Variants in DNAJB4 observed in about 807,000 individuals in gnomAD.
DNAJB4 encodes the protein DnaJ heat shock protein family (Hsp40) member B4.
In DNAJB4, 10 loss-of-function variants were observed where a neutral mutation model predicts 26.6. The observed-to-expected ratio is 0.38, with a 90% confidence interval of 0.23 to 0.64. The LOEUF (loss-of-function observed/expected upper bound fraction) is 0.64, where lower values mean the gene tolerates loss of function less well. Among genes scored for constraint, DNAJB4 ranks in the 30% least tolerant of loss-of-function variants. DNAJB4 has a pLI of 0.58. For synonymous variants in DNAJB4, 136 were observed against 134.8 expected, an observed-to-expected ratio of 1.01 and a Z score of -0.06; for missense variants, 328 against 408.2, an observed-to-expected ratio of 0.80 and a Z score of 1.69.
chr1:78,009,047 A>T (rs1317684268), intron 1 of DNAJB4, among the ~76,000 whole-genome samples: 1 of 152,126 alleles, frequency 6.6e-6, no homozygotes, highest in Non-Finnish European at 1.5e-5. Context: ...TAAAACTTGT[A>T]TTTATTAATC....
intron 1 of DNAJB4, among the ~76,000 whole-genome samples, chr1:77,988,714 G>C (rs1659858836): frequency 2.0e-5 from 3 of 151,960 alleles, no homozygotes; most frequent in Non-Finnish European, 2.9e-5. Flanking sequence ...TCTAAATTTT[G>C]AATCTCCTTA....
At chr1:78,015,710 C>T (rs1455014860) in intron 2 of DNAJB4, among the ~76,000 whole-genome samples, 4 of 151,702 alleles carry the variant, frequency 2.6e-5, no homozygotes, top group Admixed American at 1.3e-4. Context: ...CCACCACGCT[C>T]GCCTAATTTT....
chr1:77,981,801 T>C (rs1659654402), intron 1 of DNAJB4, among the ~76,000 whole-genome samples: 1 of 152,192 alleles, frequency 6.6e-6, no homozygotes, highest in Non-Finnish European at 1.5e-5. Context: ...ACAAACATCT[T>C]TAGTGTATTA....
chr1:78,013,257 A>C lies in DNAJB4; in HGVS notation c.418A>C (p.Asn140His). The change falls in exon 2 of 3, where the codon AAT becomes CAT. Residue 140 changes from asparagine to histidine, a missense_variant. Physicochemically the swap from Asn to His is moderately conservative, Grantham distance 68. Coordinates refer to ENST00000370763, the MANE Select transcript of DNAJB4 (RefSeq NM_007034.5). ...TTTTAGTGCCTTTGGTTTCAGCATG[A>C]ATGGATATCCAAGAGACAGGAATTC... ...DPFSAFGFSM[N>H]GYPRDRNSVG... 3 of 1,614,216 alleles carry C rather than the reference A, an allele frequency of 1.9e-6. No homozygotes were observed. Among genetic ancestry groups the C allele is most frequent in the Non-Finnish European group, 2.5e-6 (3 of 1,180,018 alleles).
chr1:78,000,162 T>C (rs1274940150), upstream of DNAJB4, among the ~76,000 whole-genome samples: 1 of 152,146 alleles, frequency 6.6e-6, no homozygotes. Context: ...GCATGTATGC[T>C]TATAAATAAG....
upstream of DNAJB4, chr1:77,979,250 A>G (rs1659379275): frequency 2.1e-6 from 1 of 476,680 alleles, no homozygotes; most frequent in Middle Eastern, 5.6e-4. Context: ...AGACTTCGCG[A>G]GAACAGAATT....
chr1:78,012,902 C>G (rs967861337), intron 1 of DNAJB4, 149 bp from the exon 2 acceptor site: 11 of 550,904 alleles, frequency 2.0e-5, no homozygotes, highest in Non-Finnish European at 3.1e-5. Flanking sequence ...AGTTTTATAG[C>G]TGTTCTGTAT....
rs147000397 is a variant in DNAJB4, at chr1:78,011,398, A to G, written c.212-1653A>G. Among the ~76,000 whole-genome samples, 158 of 152,242 alleles carry G rather than the reference A, an allele frequency of 1.0e-3. 1 individual carries two copies. In the Middle Eastern group the frequency reaches 0.014, roughly 13 times the overall value. On this transcript the variant is annotated intron_variant, in intron 1 of 2. Transcript: ENST00000370763. ...TTTGGTATCTAGAGTAGGAATGACA[A>G]TCGTAGTGTCTAAAAAACCATTTTT...
intron 2 of DNAJB4, among the ~76,000 whole-genome samples, chr1:78,015,550 C>CTTTTTTTTTT (rs766899519): frequency 1.7e-5 from 1 of 57,810 alleles, no homozygotes; most frequent in African/African-American, 5.9e-5. Flanking sequence ...TTTCTTTCTT[C>CTTTTTTTTTT]TTTTTTTTTT....
chr1:77,988,540 T>C (rs191731368), intron 1 of DNAJB4, among the ~76,000 whole-genome samples: 1 of 152,202 alleles, frequency 6.6e-6, no homozygotes, highest in African/African-American at 2.4e-5. Flanking sequence ...TCAGCCACCT[T>C]GCGGTTCCTC....
At chr1:77,996,415 A>G (rs1377830413) in intron 1 of DNAJB4, among the ~76,000 whole-genome samples, 1 of 152,076 alleles carries the variant, frequency 6.6e-6, no homozygotes, top group East Asian at 1.9e-4. Flanking sequence ...TCGTGCTTCT[A>G]AAGTGCTGGG....
At chr1:78,006,638 G>A (rs893234478) in intron 1 of DNAJB4, among the ~76,000 whole-genome samples, 2 of 152,096 alleles carry the variant, frequency 1.3e-5, no homozygotes, top group African/African-American at 2.4e-5. Context: ...AGTTTATGTT[G>A]CAGGTTTTGG....
At chr1:78,014,606 A>T (rs1660583709) in intron 2 of DNAJB4, among the ~76,000 whole-genome samples, 4 of 151,460 alleles carry the variant, frequency 2.6e-5, no homozygotes, top group Admixed American at 1.3e-4. Context: ...TATTATTATT[A>T]TTATTTTTTT....
intron 1 of DNAJB4, among the ~76,000 whole-genome samples, chr1:78,010,727 T>G (rs1660445058): frequency 6.6e-6 from 1 of 152,208 alleles, no homozygotes; most frequent in African/African-American, 2.4e-5. Context: ...AAAACTAAGT[T>G]TCTTTAAAGT....
At chr1:78,004,084 T>C (rs942062155), upstream of DNAJB4, among the ~76,000 whole-genome samples, 3 of 152,208 alleles carry the variant, frequency 2.0e-5, no homozygotes, top group East Asian at 1.9e-4. Context: ...AGTTAAGTCT[T>C]GTAAGGAACA....
In DNAJB4 at chr1:78,012,154, C is replaced by CTTTTTTTTTTTTTTTTTTTTTTTTTT. The variant is rs1324763074; in HGVS notation, c.212-893_212-892insTTTTTTTTTTTTTTTTTTTTTTTTTT. On this transcript the variant is annotated intron_variant, in intron 1 of 2. Coordinates refer to ENST00000370763, the MANE Select transcript of DNAJB4 (RefSeq NM_007034.5). ...CCCAGTTTTATTTTCTTTTTCTTTT[C>CTTTTTTTTTTTTTTTTTTTTTTTTTT]TTTTCTTTTTTTTTTTTTTTTTTTT... is the stretch of plus-strand genomic sequence containing the variant. Among the ~76,000 whole-genome samples the CTTTTTTTTTTTTTTTTTTTTTTTTTT allele has an allele frequency of 1.7e-4, 12 of 69,344 alleles. 2 individuals carry two copies. The highest frequency in any genetic ancestry group is 9.9e-4 in the East Asian group (2 of 2,024). The allele number at this position is 69,344 out of a possible 152,430, so 45.5% of individuals were successfully genotyped here.
chr1:77,981,029 A>G (rs555540694), intron 1 of DNAJB4, among the ~76,000 whole-genome samples: 17 of 152,310 alleles, frequency 1.1e-4, no homozygotes, highest in African/African-American at 3.6e-4. Context: ...ATATTTTATT[A>G]ATTAGGCAAT....
intron 1 of DNAJB4, among the ~76,000 whole-genome samples, chr1:77,991,970 T>C (rs1659940798): frequency 6.6e-6 from 1 of 152,222 alleles, no homozygotes; most frequent in Admixed American, 6.5e-5. Flanking sequence ...GACCAGTTGA[T>C]GAAAATGTGA....
chr1:78,013,758 T>C (rs1250393554), intron 2 of DNAJB4, 139 bp downstream of exon 2: 1 of 668,078 alleles, frequency 1.5e-6, no homozygotes, highest in African/African-American at 1.8e-5. Context: ...TCTAAGATAG[T>C]ACTAGTATTA....
Sources: gnomAD v4.1 joint callset for allele counts (sites outside exome capture counted in the v4.1 genomes callset) on GRCh38, gnomAD v4.1.1 for gene constraint, MANE v1.5 for transcripts, NCBI Gene and HGNC (gene_info 2026-07-23, HGNC 2026-07-21) for gene names.